PSMD2: variants seen among roughly 807,000 people sequenced by gnomAD.
PSMD2 encodes the protein proteasome 26S subunit ubiquitin receptor, non-ATPase 2.
In PSMD2, 8 loss-of-function variants were observed where a neutral mutation model predicts 101.5. That is an observed-to-expected ratio of 0.08 (90% confidence interval 0.05 to 0.14). The LOEUF is 0.14. Ranked by LOEUF, PSMD2 falls within the 10% of genes least tolerant of loss-of-function variation. The pLI, the probability that PSMD2 is intolerant of heterozygous loss-of-function variation, is 1.00. For missense variants in PSMD2, 784 were observed against 1,147.4 expected (o/e 0.68, Z 4.58); for synonymous variants, 418 against 433.8 (o/e 0.96, Z 0.45).
chr3:184,304,121 C>G lies in PSMD2; in HGVS notation c.1451+47C>G, dbSNP rs529454088. ...TCTGGTAGTGCTCAGCCTGTACACT[C>G]TGGAGAACAGGAACTGGGCCCTTTT... On this transcript the variant is annotated intron_variant, in intron 11 of 20. Transcript: ENST00000310118. The surrounding 1 kb of genome is among the most constrained non-coding windows in gnomAD (Gnocchi z 4.1). 111 of 1,609,894 alleles carry G rather than the reference C, an allele frequency of 6.9e-5. No individual in the cohort carries two copies. In the South Asian group the frequency reaches 1.1e-3, roughly 15 times the overall value.
At chr3:184,301,798 G>A (rs1410961822) in intron 4 of PSMD2, 49 bp from the exon 5 acceptor site, 1 of 1,612,474 alleles carries the variant, frequency 6.2e-7, no homozygotes, top group East Asian at 2.2e-5. Flanking sequence ...CCACAGAGAA[G>A]TGCTTCCCCT....
chr3:184,305,828 G>A lies in PSMD2; in HGVS notation c.1600G>A (p.Val534Ile), dbSNP rs1197426344. 6.2e-7 allele frequency: 1 copy of A among 1,614,202 alleles called. No individual in the cohort carries two copies. Residue 534 changes from valine (V) to isoleucine (I), a missense_variant, in exon 13 of 21, where the codon GTA (valine) becomes ATA (isoleucine). Physicochemically the swap from Val to Ile is conservative, Grantham distance 29 (BLOSUM62 3). This residue lies in a region of PSMD2 where 282 missense variants were observed against 437.6 expected (regional missense o/e 0.64). Coordinates refer to ENST00000310118, the MANE Select transcript of PSMD2 (RefSeq NM_002808.5). ...AGCAGTAGGGTCCTGCAATGGAGAT[G>A]TAACTTCCACTATCCTTCAGACCAT... The part of the protein sequence containing the change: ...MIAVGSCNGD[V>I]TSTILQTIME...
At chr3:184,302,270 G>GTA (rs1158411291) in intron 5 of PSMD2, 100 bp from the exon 6 acceptor site, 2 of 1,307,510 alleles carry the variant, frequency 1.5e-6, no homozygotes, top group Non-Finnish European at 2.1e-6. Context: ...AGTGCCTGGT[G>GTA]TATATAGTAG....
At chr3:184,302,635 C>T (rs774194658) in intron 6 of PSMD2, 44 bp from the exon 7 acceptor site, 18 of 1,613,278 alleles carry the variant, frequency 1.1e-5, no homozygotes, top group Non-Finnish European at 8.5e-6. Context: ...TTTCCTGTGC[C>T]CTTAGTGGAC....
chr3:184,304,069 C>T lies in PSMD2; in HGVS notation c.1446C>T (p.Ile482=). The part of the protein sequence containing the change: ...HNSNTMRLGS[I]FGLGLAYAGS... ...GCAACACCATGAGACTTGGTTCCATCTTTGGGTAAGGTTCCTCGCTTGTCT... is the reference window on the plus strand; with the variant it reads ...GCAACACCATGAGACTTGGTTCCATTTTTGGGTAAGGTTCCTCGCTTGTCT... Residue 482 remains isoleucine (I), a synonymous_variant, in exon 11 of 21, where the codon ATC becomes ATT. Coordinates refer to ENST00000310118, the MANE Select transcript of PSMD2 (RefSeq NM_002808.5). This position sits in a 1 kb window ranked among gnomAD's most constrained non-coding sequence, Gnocchi z 4.1. The T allele has an allele frequency of 2.5e-6, 4 of 1,614,122 alleles. No individual in the cohort carries two copies. Among genetic ancestry groups the T allele is most frequent in the Non-Finnish European group, 3.4e-6 (4 of 1,180,026 alleles).
In PSMD2 at chr3:184,300,280, GAGA is replaced by G. The variant is rs748379443; in HGVS notation, c.196_198del (p.Lys66del). The G allele has an allele frequency of 9.8e-5, 158 of 1,612,524 alleles. No homozygotes were observed. Among genetic ancestry groups the G allele is most frequent in the Non-Finnish European group, 1.3e-4 (152 of 1,179,270 alleles). On this transcript the variant is annotated inframe_deletion and splice_region_variant, in exon 3 of 21. Transcript: ENST00000310118. ...CTGAGCCCTGTCGTCTCTTGATCAG[GAGA>G]AGGATACATCCCTGTATCGACCAGC...
At position 184,304,748 on chromosome 3, in the gene PSMD2, G is replaced by A. The variant is rs111749792; in HGVS notation, c.1539+357G>A. ...CAAAAAATAAACAGAAAAATTAGCC[G>A]GGTGTGGTGGTGCTCGCCTGTAGTG... On this transcript the variant is annotated intron_variant, in intron 12 of 20. Transcript: ENST00000310118. The surrounding 1 kb of genome is among the most constrained non-coding windows in gnomAD (Gnocchi z 4.1). Among the ~76,000 whole-genome samples, 4,170 of 152,158 alleles carry A rather than the reference G, an allele frequency of 0.027. 176 individuals are homozygous for A. The highest frequency in any genetic ancestry group is 0.094 in the African/African-American group (3,889 of 41,490).
At position 184,308,005 on chromosome 3, in the gene PSMD2, A is replaced by G. The variant is rs1721891999; in HGVS notation, c.2414A>G (p.Asp805Gly). Residue 805 changes from aspartate (D) to glycine (G), a missense_variant, in exon 19 of 21, where the codon GAT (aspartate) becomes GGT (glycine). By Grantham distance (94) the Asp-to-Gly change is moderately conservative. This residue lies in a region of PSMD2 where 282 missense variants were observed against 437.6 expected (regional missense o/e 0.64). Transcript: ENST00000310118. This position sits in a 1 kb window ranked among gnomAD's most constrained non-coding sequence, Gnocchi z 6.0. ...CTCACTGTGCTTGTCTCTTTCCTGG[A>G]TGTTCGAAACAGTGAGTTCCTGTCA... The part of the protein sequence containing the change: ...GLLTVLVSFL[D>G]VRNIILGKSH... 1 of 1,613,948 alleles carries G rather than the reference A, an allele frequency of 6.2e-7. No individual in the cohort carries two copies. Among genetic ancestry groups the G allele is most frequent in the Non-Finnish European group, 8.5e-7 (1 of 1,180,016 alleles).
Position 184,303,730 on chromosome 3 carries a change from C to T in PSMD2, c.1304C>T (p.Ser435Phe). ...GLTQIDKYLYSSEDYIKSGAL... is the reference protein window; with the variant it reads ...GLTQIDKYLYFSEDYIKSGAL... ...ACCCAGATTGACAAGTACCTGTACT[C>T]CTCTGAGGACTACATTAAGGTTGGT... The change falls in exon 10 of 21, where the codon TCC becomes TTC. Residue 435 changes from serine (S) to phenylalanine (F), a missense_variant. Physicochemically the swap from Ser to Phe is radical, Grantham distance 155 (BLOSUM62 -2). Around this residue, in one of 6 missense-constraint regions of PSMD2, gnomAD observed 37 missense variants for 107.0 expected, o/e 0.35. Coordinates refer to ENST00000310118, the MANE Select transcript of PSMD2 (RefSeq NM_002808.5). 6.2e-7 allele frequency: 1 copy of T among 1,614,218 alleles called. No homozygotes were observed. Among genetic ancestry groups the T allele is most frequent in the South Asian group, 1.1e-5 (1 of 91,082 alleles).
In PSMD2 at chr3:184,304,352, G is replaced by T. The variant is rs1383786305; in HGVS notation, c.1500G>T (p.Leu500=). ...CAAATCGTGAAGATGTCCTAACACT[G>T]CTGCTGCCTGTGATGGGAGATTCAA... ...AGSNREDVLT[L]LLPVMGDSKS... The change falls in exon 12 of 21, where the codon CTG becomes CTT. Residue 500 remains leucine, a synonymous_variant. Transcript: ENST00000310118. The surrounding 1 kb of genome is among the most constrained non-coding windows in gnomAD (Gnocchi z 4.1). 1.7e-5 allele frequency: 27 copies of T among 1,614,118 alleles called. No homozygotes were observed. Among genetic ancestry groups the T allele is most frequent in the Non-Finnish European group, 2.0e-5 (24 of 1,180,052 alleles).
chr3:184,302,122 C>T (rs902248386), intron 5 of PSMD2, 51 bp downstream of exon 5: 10 of 1,564,226 alleles, frequency 6.4e-6, no homozygotes, highest in Middle Eastern at 1.7e-4. Flanking sequence ...CTCAGCACCT[C>T]TCTCTCAATT....
At chr3:184,307,284 A>G in intron 16 of PSMD2, 73 bp from the exon 17 acceptor site, 2 of 1,529,006 alleles carry the variant, frequency 1.3e-6, no homozygotes, top group Non-Finnish European at 1.8e-6. Context: ...CCTTTTACCC[A>G]TCAGTCCACT....
chr3:184,305,580 C>T (rs1721804371), intron 12 of PSMD2, among the ~76,000 whole-genome samples, 188 bp from the exon 13 acceptor site: 1 of 151,270 alleles, frequency 6.6e-6, no homozygotes, highest in Admixed American at 6.6e-5. Context: ...GTATGTAAAA[C>T]AGTTGGCCTA....
In PSMD2 at chr3:184,302,997, T is replaced by G; in HGVS notation, c.1009-5T>G. On this transcript the variant is annotated splice_region_variant and splice_polypyrimidine_tract_variant and intron_variant, in intron 7 of 20. Coordinates refer to ENST00000310118, the MANE Select transcript of PSMD2 (RefSeq NM_002808.5). ...AGCAATTGTGACCCTCTGACTTCTC[T>G]TCAGCTGGACATCATGGAGCCCAAG... is the stretch of plus-strand genomic sequence containing the variant. The G allele has an allele frequency of 1.2e-6, 2 of 1,614,114 alleles. No homozygotes were observed. Among genetic ancestry groups the G allele is most frequent in the Non-Finnish European group, 1.7e-6 (2 of 1,180,030 alleles).
Position 184,308,960 on chromosome 3 carries a change from A to G in PSMD2, c.*70A>G. 6.8e-7 allele frequency: 1 copy of G among 1,477,604 alleles called. No individual in the cohort carries two copies. Among genetic ancestry groups the G allele is most frequent in the Non-Finnish European group, 9.2e-7 (1 of 1,081,280 alleles). 91.5% of individuals were successfully genotyped at this position (1,477,604 alleles called of 1,614,324 possible). On this transcript the variant is annotated 3_prime_UTR_variant, in exon 21 of 21. Coordinates refer to ENST00000310118, the MANE Select transcript of PSMD2 (RefSeq NM_002808.5). This position sits in a 1 kb window ranked among gnomAD's most constrained non-coding sequence, Gnocchi z 6.0. ...CCATGCATCCTGCTGCCAAGGGTGG[A>G]CACGGCTGCAGACTTCTGGGGGAAT...
intron 13 of PSMD2, 36 bp downstream of exon 13, chr3:184,305,966 A>G: frequency 6.2e-7 from 1 of 1,613,862 alleles, no homozygotes; most frequent in South Asian, 1.1e-5. Flanking sequence ...AAGAGCTGAC[A>G]GTAACTGGAT....
rs751411622 is a variant in PSMD2 at position 184,302,359 on chromosome 3, T to C, written c.705-11T>C. The C allele has an allele frequency of 6.2e-7, 1 of 1,606,078 alleles. No individual in the cohort carries two copies. The highest frequency in any genetic ancestry group is 8.5e-7 in the Non-Finnish European group (1 of 1,177,226). The stretch of plus-strand genomic sequence containing the variant: ...GACTTTCTGAATTCTTTGTTACTTT[T>C]ACTTTTGTAGTTGTGTGAATTACGT... On this transcript the variant is annotated splice_polypyrimidine_tract_variant and intron_variant, in intron 5 of 20. Coordinates refer to ENST00000310118, the MANE Select transcript of PSMD2 (RefSeq NM_002808.5).
At chr3:184,307,230 A>G in intron 16 of PSMD2, 127 bp from the exon 17 acceptor site, 1 of 1,059,206 alleles carries the variant, frequency 9.4e-7, no homozygotes, top group Non-Finnish European at 1.4e-6. Flanking sequence ...GGCATGAGCC[A>G]CCATGCCCAG....
At chr3:184,306,255 A>T in intron 14 of PSMD2, 95 bp from the exon 15 acceptor site, 1 of 1,594,288 alleles carries the variant, frequency 6.3e-7, no homozygotes, top group Non-Finnish European at 8.6e-7. Context: ...CTTCATTCTG[A>T]TCTGCTCTAG....
Sources: gnomAD v4.1 joint callset for allele counts (sites outside exome capture counted in the v4.1 genomes callset) on GRCh38, gnomAD v4.1.1 for gene constraint, gnomAD v4.1.1 regional missense constraint, Gnocchi (gnomAD v3.1) non-coding constraint, MANE v1.5 for transcripts, NCBI Gene and HGNC (gene_info 2026-07-23, HGNC 2026-07-21) for gene names.